The following AKAP6 variants were observed in gnomAD, a reference collection of about 807,000 sequenced individuals.
The protein encoded by AKAP6 is A-kinase anchor protein 6.
In AKAP6, 58 loss-of-function variants were observed where a neutral mutation model predicts 188.5. The observed-to-expected ratio is 0.31, with a 90% CI of 0.25 to 0.38. The LOEUF (loss-of-function observed/expected upper bound fraction) is 0.38. Among genes scored for constraint, AKAP6 ranks in the 10% least tolerant of loss-of-function variants. AKAP6 has a pLI of 1.00. For missense variants in AKAP6, 2,710 were observed against 2,740.0 expected, an observed-to-expected ratio of 0.99 and a Z score of 0.24; for synonymous variants, 989 against 998.6, an observed-to-expected ratio of 0.99 and a Z score of 0.18.
intron 2 of AKAP6, among the ~76,000 whole-genome samples, chr14:32,532,908 G>A (rs1429018575): frequency 6.6e-6 from 1 of 152,196 alleles, no homozygotes; most frequent in Non-Finnish European, 1.5e-5. Context: ...GGTCACTGGA[G>A]AAGCTGGTGG....
chr14:32,499,781 T>C (rs1169806081), intron 2 of AKAP6, among the ~76,000 whole-genome samples: 1 of 151,914 alleles, frequency 6.6e-6, no homozygotes, highest in African/African-American at 2.4e-5. Flanking sequence ...TTTCAATCAT[T>C]AATCACTTAA....
chr14:32,798,571 G>A (rs1175153528), intron 12 of AKAP6, among the ~76,000 whole-genome samples: 1 of 152,148 alleles, frequency 6.6e-6, no homozygotes, highest in African/African-American at 2.4e-5. Flanking sequence ...GTCTTTTGCA[G>A]CAATGTGAAT....
At chr14:32,665,963 A>G (rs1297929051) in intron 7 of AKAP6, among the ~76,000 whole-genome samples, 1 of 152,152 alleles carries the variant, frequency 6.6e-6, no homozygotes, top group East Asian at 1.9e-4. Context: ...GCTGTTACAT[A>G]TGACTTTGAG....
chr14:32,570,563 AT>A (rs897401835), intron 4 of AKAP6, among the ~76,000 whole-genome samples: 2 of 152,022 alleles, frequency 1.3e-5, no homozygotes, highest in African/African-American at 2.4e-5. Context: ...ATTAGGAATG[AT>A]TTTTTTTAAA....
chr14:32,429,985 A>G (rs771480530), intron 1 of AKAP6, among the ~76,000 whole-genome samples: 1 of 152,230 alleles, frequency 6.6e-6, no homozygotes, highest in South Asian at 2.1e-4. Context: ...AAACTTCTAG[A>G]GGGGAGAATC....
At chr14:32,788,409 C>T (rs2033497214) in intron 12 of AKAP6, among the ~76,000 whole-genome samples, 1 of 152,118 alleles carries the variant, frequency 6.6e-6, no homozygotes, top group South Asian at 2.1e-4. Flanking sequence ...GCGGAACTCA[C>T]GGAAAGGAAT....
At chr14:32,364,809 G>A (rs1342038584) in intron 1 of AKAP6, among the ~76,000 whole-genome samples, 1 of 152,228 alleles carries the variant, frequency 6.6e-6, no homozygotes, top group East Asian at 1.9e-4. Context: ...TTGACAACAT[G>A]AACAGCAAAT....
At chr14:32,509,691 G>A (rs1345876531) in intron 2 of AKAP6, among the ~76,000 whole-genome samples, 6 of 152,060 alleles carry the variant, frequency 3.9e-5, no homozygotes, top group African/African-American at 1.4e-4. Flanking sequence ...AAGATAGGAG[G>A]TGGCTCCAGG....
intron 7 of AKAP6, among the ~76,000 whole-genome samples, chr14:32,648,218 A>G (rs1251525729): frequency 2.6e-5 from 4 of 152,126 alleles, no homozygotes; most frequent in Non-Finnish European, 4.4e-5. Flanking sequence ...ACGTTTTAGA[A>G]AAATGTTTAT....
chr14:32,708,401 A>AAG (rs34645535), intron 9 of AKAP6, among the ~76,000 whole-genome samples: 33,621 of 150,504 alleles, frequency 0.22, 3,693 homozygotes, highest in Non-Finnish European at 0.23. Context: ...ATGTGAGAGA[A>AAG]AGAGAGAGAG....
intron 7 of AKAP6, among the ~76,000 whole-genome samples, chr14:32,614,009 T>G (rs948619638): frequency 1.3e-5 from 2 of 152,218 alleles, no homozygotes; most frequent in Non-Finnish European, 2.9e-5. Context: ...CATTTCCTAG[T>G]GAGAACTTTT....
intron 4 of AKAP6, among the ~76,000 whole-genome samples, chr14:32,547,408 A>G (rs1318036445): frequency 6.6e-6 from 1 of 152,212 alleles, no homozygotes; most frequent in Non-Finnish European, 1.5e-5. Context: ...CTGACTCCAG[A>G]ATACATTCCA....
intron 7 of AKAP6, among the ~76,000 whole-genome samples, chr14:32,614,297 A>G (rs974585328): frequency 3.3e-5 from 5 of 152,204 alleles, no homozygotes; most frequent in Admixed American, 6.5e-5. Context: ...TTGTACACAA[A>G]AAGCTTAATG....
At chr14:32,409,624 T>C (rs1889415278) in intron 1 of AKAP6, among the ~76,000 whole-genome samples, 1 of 152,184 alleles carries the variant, frequency 6.6e-6, no homozygotes, top group Non-Finnish European at 1.5e-5. Flanking sequence ...AATTGTGTGG[T>C]TCTCATTAAA....
chr14:32,772,291 A>T (rs1440552180), intron 11 of AKAP6, among the ~76,000 whole-genome samples: 1 of 152,194 alleles, frequency 6.6e-6, no homozygotes, highest in Non-Finnish European at 1.5e-5. Context: ...TGGTTATATC[A>T]GGACTTATAT....
chr14:32,778,711 A>ATT (rs61493362), intron 12 of AKAP6, among the ~76,000 whole-genome samples: 30,720 of 135,878 alleles, frequency 0.23, 3,780 homozygotes, highest in Middle Eastern at 0.34. Flanking sequence ...ATACCCAGCA[A>ATT]TTTTTTTTTT....
Position 32,504,951 on chromosome 14 carries a change from C to T in AKAP6, c.325-30603C>T, listed in dbSNP as rs140669934. On this transcript the variant is annotated intron_variant, in intron 2 of 13. Transcript: ENST00000280979. ...CAGACAGGAAAGCGTGACAACAGAACCAATTGATGGCTTTTAGAATTCCAG... is the reference window on the plus strand; with the variant it reads ...CAGACAGGAAAGCGTGACAACAGAATCAATTGATGGCTTTTAGAATTCCAG... Among the ~76,000 whole-genome samples, 562 of 152,280 alleles carry T rather than the reference C, an allele frequency of 3.7e-3. 13 individuals are homozygous for T. Among genetic ancestry groups the T allele is most frequent in the Admixed American group, 0.031 (475 of 15,296 alleles).
intron 11 of AKAP6, among the ~76,000 whole-genome samples, chr14:32,766,363 G>A (rs2032719653): frequency 6.6e-6 from 1 of 151,828 alleles, no homozygotes; most frequent in South Asian, 2.1e-4. Flanking sequence ...AGTTCTCTTG[G>A]GTATATATTC....
intron 7 of AKAP6, among the ~76,000 whole-genome samples, chr14:32,667,603 T>C (rs1006553203): frequency 6.6e-6 from 1 of 152,126 alleles, no homozygotes; most frequent in African/African-American, 2.4e-5. Flanking sequence ...GTCGAGATTC[T>C]TGACAGGGTG....
Sources: allele counts gnomAD v4.1 joint callset (sites outside exome capture counted in the v4.1 genomes callset), GRCh38; gene constraint gnomAD v4.1.1; transcripts MANE v1.5; gene names NCBI Gene and HGNC (gene_info 2026-07-23, HGNC 2026-07-21).